Variants in COL11A1 observed in about 807,000 individuals in gnomAD.
COL11A1 encodes collagen type XI alpha 1 chain.
Under a neutral mutation model 265.2 loss-of-function variants are expected in COL11A1, and 74 were observed. That is an observed-to-expected ratio of 0.28 (90% CI 0.23 to 0.34). The LOEUF is 0.34. Among genes scored for constraint, COL11A1 ranks in the 10% least tolerant of loss-of-function variants. The probability of loss-of-function intolerance (pLI) is 1.00; values close to 1 mark genes in which losing one functional copy is unlikely to be tolerated. For synonymous variants in COL11A1, 816 were observed against 727.6 expected (o/e 1.12, Z -1.96); for missense variants, 2,165 against 2,263.6 (o/e 0.96, Z 0.88).
intron 4 of COL11A1, among the ~76,000 whole-genome samples, chr1:103,054,683 C>T (rs1175541114): frequency 6.6e-6 from 1 of 152,038 alleles, no homozygotes. Flanking sequence ...GGATGGATTG[C>T]CTGAGGTCGG....
intron 46 of COL11A1, among the ~76,000 whole-genome samples, chr1:102,928,005 T>G (rs972206085): frequency 1.5e-4 from 23 of 152,118 alleles, no homozygotes; most frequent in Non-Finnish European, 5.9e-5. Flanking sequence ...GATCCGCCCC[T>G]GTCTGCCTGG....
intron 36 of COL11A1, 143 bp from the exon 37 acceptor site, chr1:102,970,415 TA>T: frequency 1.6e-6 from 1 of 618,666 alleles, no homozygotes; most frequent in African/African-American, 1.8e-5. Flanking sequence ...TTATATATGA[TA>T]ATATGCACAT....
intron 5 of COL11A1, among the ~76,000 whole-genome samples, chr1:103,029,847 A>G (rs1172762067): frequency 6.6e-6 from 1 of 152,086 alleles, no homozygotes; most frequent in Non-Finnish European, 1.5e-5. Flanking sequence ...GCATTACAAC[A>G]TGGGAACAAA....
chr1:103,084,968 C>T (rs1394656360), intron 1 of COL11A1, among the ~76,000 whole-genome samples: 3 of 152,124 alleles, frequency 2.0e-5, no homozygotes, highest in Admixed American at 1.3e-4. Context: ...GCTACACATA[C>T]ATTTAAGAAA....
Position 103,015,878 on chromosome 1 carries a change from A to G in COL11A1, c.1414-136T>C, listed in dbSNP as rs577272081. The G allele has an allele frequency of 1.7e-4, 98 of 591,346 alleles. 1 individual carries two copies. The East Asian group carries it at 2.9e-3, about 18-fold the overall frequency. 36.6% of individuals were successfully genotyped at this position (591,346 alleles called of 1,614,324 possible). A position where few individuals can be genotyped will look rare whatever the true frequency, so the allele number is the denominator to read the frequency against. ...CCACCTTATTTAGTCTGTTTTTAGT[A>G]AGTATACCTAGACAGAATTCTATTC... On this transcript the variant is annotated intron_variant, in intron 11 of 66. Transcript: ENST00000370096.
chr1:103,033,089 C>T (rs956668659), intron 4 of COL11A1, among the ~76,000 whole-genome samples: 3 of 152,054 alleles, frequency 2.0e-5, no homozygotes, highest in African/African-American at 7.2e-5. Context: ...TTCAACCATA[C>T]AACATGTGGC....
chr1:103,071,316 T>A (rs914228280), intron 4 of COL11A1, among the ~76,000 whole-genome samples: 1 of 151,896 alleles, frequency 6.6e-6, no homozygotes, highest in African/African-American at 2.4e-5. Flanking sequence ...TGCTATTTAA[T>A]AAGGAAATTT....
chr1:102,891,237 TATATTATTCATGA>T (rs1464871919), intron 57 of COL11A1, among the ~76,000 whole-genome samples: 2 of 152,120 alleles, frequency 1.3e-5, no homozygotes, highest in African/African-American at 2.4e-5. Flanking sequence ...ATATTGCATG[TATATTATTCATGA>T]AGAAGTTAGA....
At chr1:103,033,630 G>T (rs1255742717) in intron 4 of COL11A1, among the ~76,000 whole-genome samples, 1 of 152,036 alleles carries the variant, frequency 6.6e-6, no homozygotes, top group Non-Finnish European at 1.5e-5. Context: ...TCTAAAAAGA[G>T]AAATATTATA....
intron 4 of COL11A1, among the ~76,000 whole-genome samples, chr1:103,071,406 C>T (rs954927400): frequency 2.2e-4 from 32 of 144,840 alleles, no homozygotes; most frequent in Non-Finnish European, 4.2e-4. Flanking sequence ...ATTTTCCTCA[C>T]ATCTTTGAAT....
intron 31 of COL11A1, among the ~76,000 whole-genome samples, chr1:102,983,170 T>C (rs183407980): frequency 1.3e-5 from 2 of 152,178 alleles, no homozygotes; most frequent in African/African-American, 4.8e-5. Flanking sequence ...AGTTTTATGA[T>C]AGGTTTGAGA....
At position 102,914,375 on chromosome 1, in the gene COL11A1, G is replaced by C. The variant is rs1160206410; in HGVS notation, c.3955C>G (p.Pro1319Ala). Residue 1319 changes from proline to alanine, a missense_variant, in exon 52 of 67, where the codon CCT becomes GCT. Coordinates refer to ENST00000370096, the MANE Select transcript of COL11A1 (RefSeq NM_001854.4). Reference sequence around the variant, plus strand: ...ACTGCAGGGCCAGGTTCCCCAGGAGGACCAGGATCTCCAGGAAAACCAACA... The same window carrying C: ...ACTGCAGGGCCAGGTTCCCCAGGAGCACCAGGATCTCCAGGAAAACCAACA... ...GPVGFPGDPG[P>A]PGEPGPAGQD... 6.2e-7 allele frequency: 1 copy of C among 1,608,670 alleles called. No individual in the cohort carries two copies. Among genetic ancestry groups the C allele is most frequent in the African/African-American group, 1.3e-5 (1 of 74,792 alleles).
chr1:103,030,806 G>A (rs1667922559), intron 5 of COL11A1: 4 of 353,234 alleles, frequency 1.1e-5, no homozygotes, highest in Non-Finnish European at 5.5e-6. Flanking sequence ...TTATTTAAAT[G>A]CTAATGGTCG....
chr1:102,890,291 C>G (rs1024482539), intron 58 of COL11A1, among the ~76,000 whole-genome samples, 160 bp downstream of exon 58: 1 of 152,036 alleles, frequency 6.6e-6, no homozygotes, highest in Non-Finnish European at 1.5e-5. Context: ...ATTTTCTCCC[C>G]TCTACATACA....
intron 23 of COL11A1, 31 bp downstream of exon 23, chr1:103,002,396 AT>A: frequency 6.4e-7 from 1 of 1,570,038 alleles, no homozygotes; most frequent in Non-Finnish European, 8.7e-7. Context: ...TCCCCCCATT[AT>A]TTCAAAGGAG....
At chr1:103,027,560 A>T (rs544937004) in intron 5 of COL11A1, among the ~76,000 whole-genome samples, 25 of 151,286 alleles carry the variant, frequency 1.7e-4, no homozygotes, top group African/African-American at 6.1e-4. Flanking sequence ...TAATTCCTTA[A>T]GTAGTGTATT....
chr1:102,957,767 A>G (rs530093145), intron 41 of COL11A1, among the ~76,000 whole-genome samples: 50 of 152,126 alleles, frequency 3.3e-4, no homozygotes, highest in African/African-American at 1.2e-3. Context: ...TATCATGGAT[A>G]TTTGCCCAGA....
intron 46 of COL11A1, among the ~76,000 whole-genome samples, chr1:102,924,067 A>T (rs1463256488): frequency 6.6e-6 from 1 of 151,194 alleles, no homozygotes; most frequent in South Asian, 2.1e-4. Context: ...AAAAAAAAAA[A>T]AAAATTAGCC....
chr1:103,090,944 CA>C, intron 1 of COL11A1, among the ~76,000 whole-genome samples: 1 of 152,222 alleles, frequency 6.6e-6, no homozygotes, highest in East Asian at 1.9e-4. Flanking sequence ...ATCTCTTCAG[CA>C]TGTTCATATT....
Sources: gnomAD v4.1 joint callset for allele counts (sites outside exome capture counted in the v4.1 genomes callset) on GRCh38, gnomAD v4.1.1 for gene constraint, MANE v1.5 for transcripts, NCBI Gene and HGNC (gene_info 2026-07-23, HGNC 2026-07-21) for gene names.